Variants in RABGEF1 observed in about 807,000 individuals in gnomAD.
RABGEF1 encodes the protein rab5 GDP/GTP exchange factor.
Under a neutral mutation model 57.3 loss-of-function variants are expected in RABGEF1, and 26 were observed. The observed-to-expected ratio is 0.45, with a 90% confidence interval of 0.33 to 0.63. The LOEUF (loss-of-function observed/expected upper bound fraction) is 0.63. Among genes scored for constraint, RABGEF1 ranks in the 20% least tolerant of loss-of-function variants. RABGEF1 has a pLI of 0.02. For missense variants in RABGEF1, 464 were observed against 607.6 expected, an observed-to-expected ratio of 0.76 and a Z score of 2.48; for synonymous variants, 185 against 210.7, an observed-to-expected ratio of 0.88 and a Z score of 1.06.
intron 4 of RABGEF1, among the ~76,000 whole-genome samples, chr7:66,784,695 A>G (rs1474106921): frequency 1.3e-5 from 2 of 152,246 alleles, no homozygotes; most frequent in African/African-American, 4.8e-5. Flanking sequence ...ACTTGTGTCA[A>G]AATAATTTTT....
At position 66,808,899 on chromosome 7, in the gene RABGEF1, C is replaced by T; in HGVS notation, c.1091C>T (p.Ala364Val). 2 of 1,600,126 alleles carry T rather than the reference C, an allele frequency of 1.2e-6. No individual in the cohort carries two copies. The highest frequency in any genetic ancestry group is 1.7e-6 in the Non-Finnish European group (2 of 1,168,134). The change falls in exon 9 of 9, where the codon GCT becomes GTT. Residue 364 changes from alanine (A) to valine (V), a missense_variant. By Grantham distance (64) the Ala-to-Val change is moderately conservative. This residue lies in a region of RABGEF1 where 151 missense variants were observed against 152.2 expected (regional missense o/e 0.99). Coordinates refer to ENST00000284957, the MANE Select transcript of RABGEF1 (RefSeq NM_014504.3). ...YYFTNLCCAV[A>V]FIEKLDAQSL... ...CTCTTCTTGTAGTGCTGTGCTGTGG[C>T]TTTCATTGAGAAGCTAGACGCCCAG...
At chr7:66,746,584 C>A (rs1283312890) in intron 1 of RABGEF1, among the ~76,000 whole-genome samples, 1 of 149,900 alleles carries the variant, frequency 6.7e-6, no homozygotes, top group African/African-American at 2.5e-5. Flanking sequence ...CCACCGTGCC[C>A]GGCAGGAAGT....
the RABGEF1 span, among the ~76,000 whole-genome samples, chr7:66,670,894 T>TACACACACACACACACACAC: frequency 1.6e-4 from 23 of 145,674 alleles, no homozygotes; most frequent in Non-Finnish European, 2.3e-4. Context: ...CACATACGTA[T>TACACACACACACACACACAC]ACACACACAC....
intron 1 of RABGEF1, among the ~76,000 whole-genome samples, chr7:66,689,777 G>A (rs947555418): frequency 2.6e-5 from 4 of 151,830 alleles, no homozygotes; most frequent in Non-Finnish European, 5.9e-5. Flanking sequence ...ACTCCAGCCT[G>A]GGGGATGAGA....
intron 2 of RABGEF1, among the ~76,000 whole-genome samples, chr7:66,723,714 G>A (rs1422142834): frequency 6.7e-6 from 1 of 148,902 alleles, no homozygotes; most frequent in African/African-American, 2.4e-5. Context: ...CTGAGTAGCT[G>A]GGATTACAGG....
intron 1 of RABGEF1, among the ~76,000 whole-genome samples, chr7:66,758,735 T>C (rs1237891273): frequency 6.6e-6 from 1 of 152,218 alleles, no homozygotes; most frequent in Non-Finnish European, 1.5e-5. Flanking sequence ...CACATAGCCT[T>C]TCAAATGATG....
chr7:66,756,074 G>A, intron 1 of RABGEF1: 1 of 1,495,758 alleles, frequency 6.7e-7, no homozygotes. Context: ...TTCATACCAT[G>A]AAGGTGAGTA....
chr7:66,697,723 G>A (rs368551532), intron 1 of RABGEF1, among the ~76,000 whole-genome samples: 1 of 152,138 alleles, frequency 6.6e-6, no homozygotes, highest in Non-Finnish European at 1.5e-5. Context: ...TCAGCGAGGT[G>A]GGGGGTGTTC....
At chr7:66,755,928 T>C (rs1802600308) in intron 1 of RABGEF1, 3 of 630,128 alleles carry the variant, frequency 4.8e-6, no homozygotes, top group African/African-American at 3.7e-5. Context: ...TAATGTTTTG[T>C]TATATTTAAC....
In RABGEF1 at chr7:66,683,611, G is replaced by A. The variant is rs1195645140; in HGVS notation, c.-873+1353G>A. Among the ~76,000 whole-genome samples the A allele has an allele frequency of 2.6e-5, 4 of 152,148 alleles. No homozygotes were observed. In the East Asian group the frequency reaches 7.7e-4, roughly 29 times the overall value. ...GCTGTTGGGTGTGGAGCCTGGAAGG[G>A]ATCGGGGAATACTTTCTGCATGTGT... On this transcript the variant is annotated intron_variant and NMD_transcript_variant, in intron 1 of 9. Transcript: ENST00000607882.
chr7:66,726,099 TCAGA>T (rs76553099), intron 2 of RABGEF1, among the ~76,000 whole-genome samples: 5,993 of 152,252 alleles, frequency 0.039, 164 homozygotes, highest in East Asian at 0.085. Context: ...AAGCTGCTAC[TCAGA>T]CAGGGCCAGA....
chr7:66,808,347 C>T (rs569194940), intron 8 of RABGEF1, among the ~76,000 whole-genome samples: 15 of 152,094 alleles, frequency 9.9e-5, no homozygotes, highest in African/African-American at 3.6e-4. Context: ...TCCCAGGTAG[C>T]GGGGATTACA....
the RABGEF1 span, among the ~76,000 whole-genome samples, chr7:66,659,256 G>C: frequency 2.0e-5 from 3 of 150,890 alleles, no homozygotes; most frequent in Admixed American, 2.0e-4. Context: ...TTTGAGACCA[G>C]CCTGGTCAAG....
At chr7:66,759,874 C>T (rs1235518518) in intron 1 of RABGEF1, among the ~76,000 whole-genome samples, 1 of 152,204 alleles carries the variant, frequency 6.6e-6, no homozygotes, top group Non-Finnish European at 1.5e-5. Flanking sequence ...CAAACCATAT[C>T]ACATAGGCAT....
chr7:66,772,937 TA>T (rs1293750202), intron 2 of RABGEF1, among the ~76,000 whole-genome samples: 1 of 151,150 alleles, frequency 6.6e-6, no homozygotes, highest in Admixed American at 6.6e-5. Flanking sequence ...AATAAATAAA[TA>T]AATGATGGGA....
chr7:66,805,911 AT>A (rs397966748), intron 8 of RABGEF1, among the ~76,000 whole-genome samples: 574 of 140,652 alleles, frequency 4.1e-3, no homozygotes, highest in African/African-American at 4.9e-3. Flanking sequence ...CACCGGGCCA[AT>A]TTTTTTTTTT....
chr7:66,703,510 G>A (rs1584785949), intron 1 of RABGEF1, among the ~76,000 whole-genome samples: 2 of 152,218 alleles, frequency 1.3e-5, no homozygotes, highest in African/African-American at 4.8e-5. Context: ...TTATTTTTTG[G>A]CATGTGGACA....
At chr7:66,772,101 G>A (rs770537452) in intron 2 of RABGEF1, 23 bp downstream of exon 2, 13 of 1,447,056 alleles carry the variant, frequency 9.0e-6, no homozygotes, top group Admixed American at 2.5e-5. Context: ...AACTAGGGGC[G>A]GTTGAACAGT....
chr7:66,695,654 G>A (rs1197459619), intron 1 of RABGEF1, among the ~76,000 whole-genome samples: 1 of 151,712 alleles, frequency 6.6e-6, no homozygotes, highest in Non-Finnish European at 1.5e-5. Flanking sequence ...GGTGGCTCAC[G>A]CCTATAATCC....
Sources: allele counts gnomAD v4.1 joint callset (sites outside exome capture counted in the v4.1 genomes callset), GRCh38; gene constraint gnomAD v4.1.1; regional missense constraint gnomAD v4.1.1; transcripts MANE v1.5; gene names NCBI Gene and HGNC (gene_info 2026-07-23, HGNC 2026-07-21).